Variants in OSBPL9 observed in about 807,000 individuals in gnomAD.
The protein encoded by OSBPL9 is oxysterol-binding protein-related protein 9.
OSBPL9 carries 40 observed loss-of-function variants against 106.6 expected under a neutral mutation model. The observed-to-expected ratio is 0.38, with a 90% confidence interval of 0.29 to 0.49. The LOEUF is 0.49. OSBPL9 is among the 20% of genes least tolerant of loss of function. OSBPL9 has a pLI of 0.97. For missense variants in OSBPL9, 609 were observed against 887.2 expected, an observed-to-expected ratio of 0.69 and a Z score of 3.98; for synonymous variants, 269 against 295.4, an observed-to-expected ratio of 0.91 and a Z score of 0.92.
chr1:51,719,062 T>G (rs1404436075), intron 4 of OSBPL9, among the ~76,000 whole-genome samples: 1 of 152,180 alleles, frequency 6.6e-6, no homozygotes, highest in Non-Finnish European at 1.5e-5. Flanking sequence ...ATATGTAGCT[T>G]TAGTCTCACT....
chr1:51,617,263 C>G (rs762553733), intron 1 of OSBPL9, 42 bp downstream of exon 1: 2 of 1,553,470 alleles, frequency 1.3e-6, no homozygotes, highest in East Asian at 4.7e-5. Context: ...CTCGGGGCCG[C>G]GTTTCCTGGG....
chr1:51,761,809 C>G, intron 10 of OSBPL9, 58 bp from the exon 11 acceptor site: 1 of 1,290,598 alleles, frequency 7.7e-7, no homozygotes, highest in Non-Finnish European at 1.1e-6. Context: ...CAATTACAGT[C>G]AATAGAATGT....
rs1382216864 is a variant in OSBPL9, at chr1:51,729,192, TAATAA to T, written c.318+15116_318+15120del. The T allele has an allele frequency of 6.6e-6, 1 of 152,192 alleles. No homozygotes were observed. The highest frequency in any genetic ancestry group is 1.5e-5 in the Non-Finnish European group (1 of 68,056). 9.4% of individuals were successfully genotyped at this position (152,192 alleles called of 1,614,324 possible). ...GCAAGCCCACGATGTCTCACCGGAT[TAATAA>T]AAATATAGGCGCTCACGCTTTTGTT... On this transcript the variant is annotated intron_variant, in intron 4 of 23. Transcript: ENST00000428468. The surrounding 1 kb of genome is among the most constrained non-coding windows in gnomAD (Gnocchi z 5.1).
chr1:51,673,387 G>A (rs963160148), intron 3 of OSBPL9, among the ~76,000 whole-genome samples: 4 of 152,198 alleles, frequency 2.6e-5, no homozygotes, highest in Non-Finnish European at 2.9e-5. Context: ...AGCAGTAACC[G>A]GAAGGGGAAA....
chr1:51,550,339 G>A, the OSBPL9 span, among the ~76,000 whole-genome samples: 1 of 152,146 alleles, frequency 6.6e-6, no homozygotes, highest in South Asian at 2.1e-4. Context: ...TTAAAAGTTA[G>A]GGCACAAAAC....
upstream of OSBPL9, among the ~76,000 whole-genome samples, chr1:51,615,148 A>G (rs1224571067): frequency 2.0e-5 from 3 of 152,204 alleles, no homozygotes; most frequent in Non-Finnish European, 4.4e-5. Context: ...GCTACTTGGG[A>G]GGCTGCGGCA....
chr1:51,576,290 C>A (rs1031361130), upstream of OSBPL9, among the ~76,000 whole-genome samples: 1 of 152,126 alleles, frequency 6.6e-6, no homozygotes, highest in Admixed American at 6.6e-5. Flanking sequence ...GAGGGAGGGG[C>A]CTCAGAGCTT....
At chr1:51,521,474 T>A in the OSBPL9 span, among the ~76,000 whole-genome samples, 1 of 152,122 alleles carries the variant, frequency 6.6e-6, no homozygotes, top group South Asian at 2.1e-4. Flanking sequence ...AGAATCAGAG[T>A]GTGACCGCAG....
chr1:51,779,858 A>G (rs570466906), intron 15 of OSBPL9, among the ~76,000 whole-genome samples: 38 of 152,272 alleles, frequency 2.5e-4, no homozygotes, highest in Admixed American at 9.2e-4. Context: ...CAGGTGGATC[A>G]CGAGGTCAGG....
chr1:51,618,102 C>A (rs1325071509), intron 1 of OSBPL9, among the ~76,000 whole-genome samples: 1 of 151,930 alleles, frequency 6.6e-6, no homozygotes, highest in Non-Finnish European at 1.5e-5. Flanking sequence ...ACTGCAACTT[C>A]TGCCTCTCGG....
intron 1 of OSBPL9, among the ~76,000 whole-genome samples, chr1:51,586,460 G>A (rs976323377): frequency 2.0e-5 from 3 of 152,052 alleles, no homozygotes; most frequent in Non-Finnish European, 4.4e-5. Flanking sequence ...TTACTGTTGG[G>A]CATTTAGGTT....
intron 3 of OSBPL9, among the ~76,000 whole-genome samples, chr1:51,686,408 A>G (rs932892741): frequency 6.6e-6 from 1 of 152,108 alleles, no homozygotes; most frequent in Non-Finnish European, 1.5e-5. Flanking sequence ...ACTCTTGGCT[A>G]TACTCATGTC....
intron 3 of OSBPL9, among the ~76,000 whole-genome samples, chr1:51,682,166 T>C (rs1652703749): frequency 6.6e-6 from 1 of 152,088 alleles, no homozygotes; most frequent in Non-Finnish European, 1.5e-5. Context: ...ATCACGCCAC[T>C]GCATTCCAGC....
At chr1:51,563,456 C>T in the OSBPL9 span, among the ~76,000 whole-genome samples, 1 of 152,176 alleles carries the variant, frequency 6.6e-6, no homozygotes, top group Non-Finnish European at 1.5e-5. Context: ...CCCCGTCCAA[C>T]GTAGGCATAG....
At chr1:51,558,841 T>C in the OSBPL9 span, among the ~76,000 whole-genome samples, 1 of 152,188 alleles carries the variant, frequency 6.6e-6, no homozygotes, top group Admixed American at 6.5e-5. Context: ...GGTGATGACA[T>C]TATGACTAGG....
intron 3 of OSBPL9, chr1:51,709,907 A>G (rs2148879467): frequency 6.6e-6 from 1 of 152,414 alleles, no homozygotes; most frequent in East Asian, 1.9e-4. Flanking sequence ...CATGGGGCCA[A>G]GTCTGGGCCT....
At chr1:51,519,728 T>C in the OSBPL9 span, among the ~76,000 whole-genome samples, 2 of 152,216 alleles carry the variant, frequency 1.3e-5, no homozygotes, top group Non-Finnish European at 2.9e-5. Flanking sequence ...ATTTTTTGAA[T>C]TGTATGAATG....
intron 1 of OSBPL9, among the ~76,000 whole-genome samples, chr1:51,580,620 T>G (rs182382043): frequency 2.0e-5 from 3 of 152,094 alleles, no homozygotes; most frequent in East Asian, 3.9e-4. Context: ...GCTGTGCCAG[T>G]CTGAGTGCTA....
At chr1:51,626,718 C>T (rs374749241) in intron 1 of OSBPL9, among the ~76,000 whole-genome samples, 2 of 151,984 alleles carry the variant, frequency 1.3e-5, no homozygotes, top group Admixed American at 6.6e-5. Flanking sequence ...TAGGGTCCCA[C>T]TGTGTTGCCC....
Sources: gnomAD v4.1 joint callset for allele counts (sites outside exome capture counted in the v4.1 genomes callset) on GRCh38, gnomAD v4.1.1 for gene constraint, Gnocchi (gnomAD v3.1) non-coding constraint, MANE v1.5 for transcripts, NCBI Gene and HGNC (gene_info 2026-07-23, HGNC 2026-07-21) for gene names.